The following SHISA6 variants were observed in gnomAD, a reference collection of about 807,000 sequenced individuals.
SHISA6 encodes the protein protein shisa-6.
In SHISA6, 22 loss-of-function variants were observed where a neutral mutation model predicts 47.9. That is an observed-to-expected ratio of 0.46 (90% CI 0.33 to 0.66). SHISA6 has a LOEUF of 0.66. Ranked by LOEUF, SHISA6 falls within the 30% of genes least tolerant of loss-of-function variation. The probability of loss-of-function intolerance (pLI) is 0.02; values close to 1 mark genes in which losing one functional copy is unlikely to be tolerated. For synonymous variants in SHISA6, 388 were observed against 337.8 expected (o/e 1.15, Z -1.63); for missense variants, 680 against 764.6 (o/e 0.89, Z 1.30).
At chr17:11,546,884 G>T (rs777902549) in intron 3 of SHISA6, among the ~76,000 whole-genome samples, 1 of 151,982 alleles carries the variant, frequency 6.6e-6, no homozygotes, top group Non-Finnish European at 1.5e-5. Context: ...TTGCGCCACG[G>T]CGCCACTGTA....
chr17:11,525,985 G>A (rs549854763), intron 3 of SHISA6, among the ~76,000 whole-genome samples: 1 of 150,844 alleles, frequency 6.6e-6, no homozygotes, highest in African/African-American at 2.4e-5. Flanking sequence ...CTCCAGTCTG[G>A]GCAACAAGCG....
At chr17:11,359,559 G>T (rs1233802629) in intron 2 of SHISA6, among the ~76,000 whole-genome samples, 1 of 152,148 alleles carries the variant, frequency 6.6e-6, no homozygotes, top group Non-Finnish European at 1.5e-5. Context: ...CAGAACTCTG[G>T]ATTGCGTGTG....
chr17:11,276,058 A>C (rs1597435068), intron 2 of SHISA6, among the ~76,000 whole-genome samples: 1 of 147,204 alleles, frequency 6.8e-6, no homozygotes, highest in African/African-American at 2.5e-5. Context: ...GTTCACTGCA[A>C]CCTCCGCCTC....
intron 3 of SHISA6, among the ~76,000 whole-genome samples, chr17:11,526,927 AT>A (rs2071691250): frequency 2.8e-4 from 7 of 25,118 alleles, no homozygotes; most frequent in African/African-American, 1.3e-3. Flanking sequence ...ATATATATAT[AT>A]ATATATATTA....
At chr17:11,503,432 C>T (rs2071472288) in intron 3 of SHISA6, among the ~76,000 whole-genome samples, 2 of 152,176 alleles carry the variant, frequency 1.3e-5, no homozygotes, top group Admixed American at 6.5e-5. Flanking sequence ...CTGGACAGAG[C>T]CCCGCCCAGC....
At chr17:11,551,834 T>G in intron 3 of SHISA6, 62 bp from the exon 4 acceptor site, 2 of 1,372,394 alleles carry the variant, frequency 1.5e-6, no homozygotes, top group African/African-American at 2.9e-5. Context: ...GATGCTGTTA[T>G]GTTGGAGAGA....
rs1354701951 is a variant in SHISA6 at position 11,241,579 on chromosome 17, C to T, written c.157C>T (p.Arg53Trp). 9 of 1,128,876 alleles carry T rather than the reference C, an allele frequency of 8.0e-6. No individual in the cohort carries two copies. The highest frequency in any genetic ancestry group is 3.8e-4 in the Middle Eastern group (1 of 2,666). The allele number at this position is 1,128,876 out of a possible 1,614,324, so 69.9% of individuals were successfully genotyped here. Reference protein sequence around the residue: ...GGRRAGGALARGGRELNGTAR... With the variant: ...GGRRAGGALAWGGRELNGTAR... ...CCGGAGGGCCGGGGGCGCCCTGGCACGGGGCGGCCGCGAGCTGAACGGCAC... is the reference window on the plus strand; with the variant it reads ...CCGGAGGGCCGGGGGCGCCCTGGCATGGGGCGGCCGCGAGCTGAACGGCAC... Residue 53 changes from arginine (R) to tryptophan (W), a missense_variant, in exon 1 of 6, where the codon CGG (arginine) becomes TGG (tryptophan). Arg to Trp is a moderately radical substitution (Grantham distance 101). Around this residue, in one of 2 missense-constraint regions of SHISA6, gnomAD observed 121 missense variants for 90.5 expected, o/e 1.34. Transcript: ENST00000441885. The surrounding 1 kb of genome is among the most constrained non-coding windows in gnomAD (Gnocchi z 5.5).
chr17:11,252,922 G>A (rs1289148353), intron 1 of SHISA6, among the ~76,000 whole-genome samples: 4 of 152,160 alleles, frequency 2.6e-5, no homozygotes, highest in African/African-American at 7.2e-5. Flanking sequence ...CCCAGGAATG[G>A]TGTCCCATAG....
intron 3 of SHISA6, among the ~76,000 whole-genome samples, chr17:11,399,220 A>G (rs534601246): frequency 2.0e-5 from 3 of 152,294 alleles, no homozygotes; most frequent in Admixed American, 2.0e-4. Flanking sequence ...AGCTGCTCAT[A>G]TGAAATGAAA....
rs536942350 is a variant in SHISA6 at position 11,382,027 on chromosome 17, G to C, written c.895+2518G>C. Among the ~76,000 whole-genome samples, 250 of 152,228 alleles carry C rather than the reference G, an allele frequency of 1.6e-3. 1 individual carries two copies. Among genetic ancestry groups the C allele is most frequent in the Non-Finnish European group, 2.7e-3 (182 of 68,026 alleles). ...AATCTGGGTTTGAGGTTGGTGGTTG[G>C]GGGTAGTGGGTGCAGGCAGACTTCG... On this transcript the variant is annotated intron_variant, in intron 3 of 5. Transcript: ENST00000441885.
intron 3 of SHISA6, among the ~76,000 whole-genome samples, chr17:11,462,632 T>G (rs1915720007): frequency 6.6e-6 from 1 of 152,124 alleles, no homozygotes; most frequent in Non-Finnish European, 1.5e-5. Context: ...TTTGTTTTTG[T>G]TTTTTTGAGA....
chr17:11,471,449 G>A (rs921142688), intron 3 of SHISA6, among the ~76,000 whole-genome samples: 1 of 152,160 alleles, frequency 6.6e-6, no homozygotes, highest in African/African-American at 2.4e-5. Flanking sequence ...GGGTGGATTT[G>A]CAGTGCTGAT....
At chr17:11,537,172 T>A (rs2071795056) in intron 3 of SHISA6, among the ~76,000 whole-genome samples, 1 of 149,428 alleles carries the variant, frequency 6.7e-6, no homozygotes, top group Non-Finnish European at 1.5e-5. Flanking sequence ...TGGAGAGGAG[T>A]TCACACAGAC....
At chr17:11,274,570 C>T (rs554227940) in intron 2 of SHISA6, among the ~76,000 whole-genome samples, 122 of 152,266 alleles carry the variant, frequency 8.0e-4, no homozygotes, top group South Asian at 3.3e-3. Context: ...TGGCCTTTAG[C>T]GGTCTTTTCC....
At chr17:11,338,915 G>A (rs1231478724) in intron 2 of SHISA6, among the ~76,000 whole-genome samples, 1 of 152,022 alleles carries the variant, frequency 6.6e-6, no homozygotes, top group Non-Finnish European at 1.5e-5. Context: ...AACAGTGGGG[G>A]ATTACTGAAC....
intron 5 of SHISA6, 61 bp from the exon 6 acceptor site, chr17:11,557,693 T>C (rs1567638991): frequency 5.5e-6 from 8 of 1,464,744 alleles, no homozygotes; most frequent in East Asian, 5.0e-5. Context: ...CAGGGTTCTA[T>C]CTGAGTCCTG....
chr17:11,479,246 T>A (rs572056878), intron 3 of SHISA6, among the ~76,000 whole-genome samples: 2 of 151,800 alleles, frequency 1.3e-5, no homozygotes, highest in African/African-American at 4.8e-5. Context: ...TTAAAAAAAA[T>A]AATAATTTGA....
intron 3 of SHISA6, among the ~76,000 whole-genome samples, chr17:11,521,756 T>TCACGCCTC (rs1480158492): frequency 2.0e-5 from 3 of 152,022 alleles, no homozygotes; most frequent in Admixed American, 1.3e-4. Context: ...TGAGCTAGGA[T>TCACGCCTC]CACGCCTCTG....
chr17:11,485,768 T>A (rs549148763), intron 3 of SHISA6, among the ~76,000 whole-genome samples: 26 of 152,150 alleles, frequency 1.7e-4, no homozygotes, highest in Admixed American at 3.3e-4. Flanking sequence ...GCACTTTTTT[T>A]TTTTTTTAAA....
Sources: allele counts gnomAD v4.1 joint callset (sites outside exome capture counted in the v4.1 genomes callset), GRCh38; gene constraint gnomAD v4.1.1; regional missense constraint gnomAD v4.1.1; non-coding constraint Gnocchi (gnomAD v3.1); transcripts MANE v1.5; gene names NCBI Gene and HGNC (gene_info 2026-07-23, HGNC 2026-07-21).